DNAH14: variants seen among roughly 807,000 people sequenced by gnomAD.
DNAH14 encodes axonemal beta dynein heavy chain 14.
In DNAH14, 478 loss-of-function variants were observed where a neutral mutation model predicts 520.9. The observed-to-expected ratio is 0.92, with a 90% CI of 0.85 to 0.99. DNAH14 has a LOEUF of 0.99. DNAH14 is among the 50% of genes least tolerant of loss of function. The probability of loss-of-function intolerance (pLI) is 0.00; values close to 1 mark genes in which losing one functional copy is unlikely to be tolerated. For synonymous variants in DNAH14, 1,581 were observed against 1,757.2 expected (o/e 0.90, Z 2.51); for missense variants, 4,831 against 5,234.5 (o/e 0.92, Z 2.38).
chr1:225,308,767 G>A (rs377136093), intron 60 of DNAH14, among the ~76,000 whole-genome samples: 26 of 152,334 alleles, frequency 1.7e-4, no homozygotes, highest in African/African-American at 6.3e-4. Context: ...TATTTGGTGT[G>A]TGTCACTTCT....
intron 36 of DNAH14, among the ~76,000 whole-genome samples, chr1:225,172,289 AG>A (rs2082779775): frequency 6.6e-6 from 1 of 152,188 alleles, no homozygotes; most frequent in African/African-American, 2.4e-5. Context: ...AAGGAAATAA[AG>A]GGCATTCAAT....
intron 23 of DNAH14, among the ~76,000 whole-genome samples, chr1:225,107,523 T>C (rs953773899): frequency 1.3e-5 from 2 of 152,140 alleles, no homozygotes; most frequent in Non-Finnish European, 2.9e-5. Flanking sequence ...GACATGGACA[T>C]ACATGGAGTG....
intron 26 of DNAH14, among the ~76,000 whole-genome samples, chr1:225,120,650 C>G (rs548912717): frequency 6.6e-6 from 1 of 152,320 alleles, no homozygotes; most frequent in Admixed American, 6.5e-5. Flanking sequence ...CGTCTGATCT[C>G]TTTCAGTGTC....
intron 69 of DNAH14, among the ~76,000 whole-genome samples, chr1:225,343,463 A>G (rs1204419649): frequency 6.6e-6 from 1 of 152,176 alleles, no homozygotes; most frequent in Non-Finnish European, 1.5e-5. Context: ...TTGTTGCCTT[A>G]ACGTGCCATT....
At chr1:225,047,861 G>A (rs946656238) in intron 15 of DNAH14, among the ~76,000 whole-genome samples, 3 of 152,168 alleles carry the variant, frequency 2.0e-5, no homozygotes, top group Admixed American at 2.0e-4. Context: ...GTTTGTAATA[G>A]TTAGATTAAT....
intron 23 of DNAH14, among the ~76,000 whole-genome samples, chr1:225,101,907 A>C (rs945120478): frequency 3.2e-4 from 47 of 147,022 alleles, no homozygotes; most frequent in African/African-American, 1.1e-3. Flanking sequence ...TTTTTTTTTT[A>C]ATACTTTAAG....
Position 225,277,417 on chromosome 1 carries a change from A to C in DNAH14, c.8186A>C (p.His2729Pro), listed in dbSNP as rs926971041. 6.4e-6 allele frequency: 3 copies of C among 468,926 alleles called. No homozygotes were observed. The highest frequency in any genetic ancestry group is 6.0e-5 in the African/African-American group (3 of 50,042). 29.0% of individuals were successfully genotyped at this position (468,926 alleles called of 1,614,324 possible). ...TCACATTTGATCTGCTAGCTTTCTC[A>C]TTCCATGGTGTTCTTCAAGGAAGCC... ...KLGSISLELS[H>P]SMVFFKEAIE... is the part of the protein sequence containing the mutation. Residue 2729 changes from histidine to proline, a missense_variant, in exon 54 of 86, where the codon CAT becomes CCT. By Grantham distance (77) the His-to-Pro change is moderately conservative (BLOSUM62 -2). Transcript: ENST00000682510.
At chr1:225,009,957 C>T (rs1322629254) in intron 10 of DNAH14, among the ~76,000 whole-genome samples, 1 of 152,158 alleles carries the variant, frequency 6.6e-6, no homozygotes, top group African/African-American at 2.4e-5. Context: ...TATCCTGAGA[C>T]TTTGCTGAAG....
In DNAH14 at chr1:225,082,714, A is replaced by G. The variant is rs1456124465; in HGVS notation, c.3302A>G (p.Lys1101Arg). Residue 1101 changes from lysine to arginine, a missense_variant, in exon 20 of 86, where the codon AAA becomes AGA. By Grantham distance (26) the Lys-to-Arg change is conservative. Coordinates refer to ENST00000682510, the MANE Select transcript of DNAH14 (RefSeq NM_001367479.1). ...TCAGTTCCGCTTGATAAAAACTGTA[A>G]AGTAGAGAATCTTCTAGCTCTCAAG... is the stretch of plus-strand genomic sequence containing the variant. ...GKSVPLDKNC[K>R]VENLLALKMF... 1.3e-6 allele frequency: 2 copies of G among 1,549,496 alleles called. No homozygotes were observed. Among genetic ancestry groups the G allele is most frequent in the South Asian group, 2.4e-5 (2 of 83,454 alleles).
intron 55 of DNAH14, among the ~76,000 whole-genome samples, chr1:225,298,908 C>T (rs949457887): frequency 4.6e-5 from 7 of 152,192 alleles, no homozygotes; most frequent in Non-Finnish European, 4.4e-5. Flanking sequence ...AAGGAGAAGT[C>T]CCTCTTGACT....
At chr1:225,140,717 T>TTATA in intron 27 of DNAH14, 51 bp from the exon 28 acceptor site, 8 of 1,249,828 alleles carry the variant, frequency 6.4e-6, no homozygotes, top group Non-Finnish European at 8.7e-6. Flanking sequence ...TATGCTTCAA[T>TTATA]TATATATATA....
chr1:225,351,410 G>A (rs982576743), intron 71 of DNAH14, among the ~76,000 whole-genome samples: 3 of 151,404 alleles, frequency 2.0e-5, no homozygotes, highest in Non-Finnish European at 4.4e-5. Flanking sequence ...AAACAAAAAA[G>A]GTTTACATGA....
intron 41 of DNAH14, among the ~76,000 whole-genome samples, chr1:225,209,989 T>C (rs2088142731): frequency 6.6e-6 from 1 of 152,150 alleles, no homozygotes; most frequent in African/African-American, 2.4e-5. Context: ...GCTTTTCCCA[T>C]GGTCTTCGCA....
At chr1:225,398,045 T>TAAAA (rs1466455109) in intron 84 of DNAH14, 2 of 17,918 alleles carry the variant, frequency 1.1e-4, no homozygotes, top group African/African-American at 2.5e-4. Flanking sequence ...AGACCCCATG[T>TAAAA]CAAAAAAAAA....
chr1:224,943,331 G>T (rs962980706), intron 1 of DNAH14, among the ~76,000 whole-genome samples: 1 of 152,042 alleles, frequency 6.6e-6, no homozygotes, highest in Non-Finnish European at 1.5e-5. Flanking sequence ...CTGTGGGATC[G>T]GTGGTGATAT....
chr1:225,109,200 T>A (rs1573163475), intron 23 of DNAH14, among the ~76,000 whole-genome samples: 1 of 152,126 alleles, frequency 6.6e-6, no homozygotes, highest in Admixed American at 6.5e-5. Context: ...ATATTCTGGG[T>A]CTTTTGTGGC....
chr1:225,390,030 C>T (rs2095886203), intron 83 of DNAH14, among the ~76,000 whole-genome samples, 157 bp downstream of exon 83: 1 of 152,068 alleles, frequency 6.6e-6, no homozygotes, highest in African/African-American at 2.4e-5. Flanking sequence ...AGTCTCTTCT[C>T]CCTCCCAACC....
At chr1:225,049,045 C>CTTTTTTTT (rs1196968494) in intron 15 of DNAH14, among the ~76,000 whole-genome samples, 2 of 87,146 alleles carry the variant, frequency 2.3e-5, no homozygotes, top group Non-Finnish European at 4.4e-5. Flanking sequence ...GATCTCTTGC[C>CTTTTTTTT]TATTTTTTTT....
chr1:225,077,861 A>C (rs2072489887), intron 17 of DNAH14, among the ~76,000 whole-genome samples: 1 of 152,200 alleles, frequency 6.6e-6, no homozygotes, highest in African/African-American at 2.4e-5. Flanking sequence ...ACCATCTGAT[A>C]AACTTTTCCA....
Sources: gnomAD v4.1 joint callset for allele counts (sites outside exome capture counted in the v4.1 genomes callset) on GRCh38, gnomAD v4.1.1 for gene constraint, MANE v1.5 for transcripts, NCBI Gene and HGNC (gene_info 2026-07-23, HGNC 2026-07-21) for gene names.